KCNQ5: variants seen among roughly 807,000 people sequenced by gnomAD.
KCNQ5 encodes the protein potassium voltage-gated channel subfamily Q member 5.
KCNQ5 carries 30 observed loss-of-function variants against 98.2 expected under a neutral mutation model. The ratio of observed to expected loss-of-function variants is 0.31; its 90% confidence interval spans 0.23 to 0.41. The LOEUF (loss-of-function observed/expected upper bound fraction) is 0.41, where lower values mean the gene tolerates loss of function less well. Ranked by LOEUF, KCNQ5 falls within the 10% of genes least tolerant of loss-of-function variation. KCNQ5 has a pLI of 1.00. For synonymous variants in KCNQ5, 458 were observed against 449.4 expected, an observed-to-expected ratio of 1.02 and a Z score of -0.24; for missense variants, 835 against 1,182.5, an observed-to-expected ratio of 0.71 and a Z score of 4.31.
At chr6:72,786,594 G>A (rs1026363864) in intron 1 of KCNQ5, among the ~76,000 whole-genome samples, 36 of 152,118 alleles carry the variant, frequency 2.4e-4, no homozygotes, top group Non-Finnish European at 3.5e-4. Context: ...CCATTACCCA[G>A]AGTCTAGATC....
intron 1 of KCNQ5, among the ~76,000 whole-genome samples, chr6:72,896,896 G>A (rs1779271868): frequency 6.6e-6 from 1 of 152,124 alleles, no homozygotes; most frequent in Non-Finnish European, 1.5e-5. Flanking sequence ...CTCCTTTGGT[G>A]TTCTCTTACT....
chr6:73,131,126 C>T lies in KCNQ5; in HGVS notation c.1248-2295C>T, dbSNP rs190583222. On this transcript the variant is annotated intron_variant, in intron 9 of 13. Transcript: ENST00000370398. ...TTCATAAGGTAATGTCAAAATGGTTCATAGAGGCAATTTTTAAAAATATTT... is the reference window on the plus strand; with the variant it reads ...TTCATAAGGTAATGTCAAAATGGTTTATAGAGGCAATTTTTAAAAATATTT... Among the ~76,000 whole-genome samples, 69 of 152,116 alleles carry T rather than the reference C, an allele frequency of 4.5e-4. 1 individual carries two copies. The highest frequency in any genetic ancestry group is 3.5e-3 in the Middle Eastern group (1 of 286).
chr6:72,915,192 C>A (rs1780085273), intron 1 of KCNQ5, among the ~76,000 whole-genome samples: 1 of 151,954 alleles, frequency 6.6e-6, no homozygotes, highest in African/African-American at 2.4e-5. Flanking sequence ...AGTGAAAATG[C>A]AGATCTATTT....
chr6:72,822,982 G>A lies in KCNQ5; in HGVS notation c.399-180926G>A, dbSNP rs148821135. Among the ~76,000 whole-genome samples the A allele has an allele frequency of 3.2e-4, 48 of 151,908 alleles. No homozygotes were observed. The East Asian group carries it at 7.8e-3, about 25-fold the overall frequency. On this transcript the variant is annotated intron_variant, in intron 1 of 13. Coordinates refer to ENST00000370398, the MANE Select transcript of KCNQ5 (RefSeq NM_019842.4). ...TTGGACCCTCCTGCTTCCTTTTTAC[G>A]AGGATCATTGTGATCACATTGGGCC...
intron 1 of KCNQ5, among the ~76,000 whole-genome samples, chr6:72,790,896 TTTTG>T (rs1218974905): frequency 1.3e-5 from 2 of 152,312 alleles, no homozygotes; most frequent in East Asian, 3.9e-4. Context: ...AACAAAGGGT[TTTTG>T]TTTGTTTGTT....
At chr6:72,658,987 G>A (rs1444217271) in intron 1 of KCNQ5, among the ~76,000 whole-genome samples, 2 of 152,160 alleles carry the variant, frequency 1.3e-5, no homozygotes, top group Non-Finnish European at 2.9e-5. Flanking sequence ...TTAGAATCCA[G>A]ACATTTCCAA....
rs1484479861 is a variant in KCNQ5, at chr6:72,870,424, A to AT, written c.399-133477dup. On this transcript the variant is annotated intron_variant, in intron 1 of 13. Coordinates refer to ENST00000370398, the MANE Select transcript of KCNQ5 (RefSeq NM_019842.4). ...TTGAGTAGCTGAGGCTAATTTTTGT[A>AT]TTTTTTTGTAGACATGGGGTTTCGC... Among the ~76,000 whole-genome samples, 25 of 151,672 alleles carry AT rather than the reference A, an allele frequency of 1.6e-4. 1 individual carries two copies. Among genetic ancestry groups the AT allele is most frequent in the Admixed American group, 6.6e-4 (10 of 15,210 alleles).
chr6:72,700,332 T>TATCG (rs993248291), intron 1 of KCNQ5, among the ~76,000 whole-genome samples: 5 of 151,122 alleles, frequency 3.3e-5, no homozygotes, highest in African/African-American at 1.2e-4. Context: ...TCTATCTATC[T>TATCG]ATCTAATCTA....
intron 1 of KCNQ5, among the ~76,000 whole-genome samples, chr6:72,701,198 T>A (rs1356479596): frequency 6.6e-6 from 1 of 152,218 alleles, no homozygotes; most frequent in South Asian, 2.1e-4. Flanking sequence ...GGTAAAAGGA[T>A]GTTTAATTAA....
At chr6:72,981,929 G>C (rs1051011151) in intron 1 of KCNQ5, among the ~76,000 whole-genome samples, 3 of 152,164 alleles carry the variant, frequency 2.0e-5, no homozygotes, top group Admixed American at 2.0e-4. Flanking sequence ...AGTCGTTCAG[G>C]AGCAGGTTGT....
chr6:73,151,447 T>A (rs1469932628), intron 10 of KCNQ5, among the ~76,000 whole-genome samples: 1 of 152,226 alleles, frequency 6.6e-6, no homozygotes, highest in Non-Finnish European at 1.5e-5. Context: ...CCTTTCAATG[T>A]AAGTCACTAT....
At chr6:73,064,562 G>T (rs1772965451) in intron 3 of KCNQ5, among the ~76,000 whole-genome samples, 1 of 151,922 alleles carries the variant, frequency 6.6e-6, no homozygotes, top group South Asian at 2.1e-4. Context: ...CTGGTATGGG[G>T]TTCTGTTTAG....
chr6:73,049,141 A>G (rs552890509), intron 3 of KCNQ5, among the ~76,000 whole-genome samples: 3 of 152,316 alleles, frequency 2.0e-5, no homozygotes, highest in East Asian at 1.9e-4. Flanking sequence ...ATGTTCTACA[A>G]GTTTGTCTTT....
chr6:73,063,791 C>A (rs1293158862), intron 3 of KCNQ5, among the ~76,000 whole-genome samples: 1 of 151,146 alleles, frequency 6.6e-6, no homozygotes, highest in Non-Finnish European at 1.5e-5. Context: ...TGGCAACAAG[C>A]AAGATTTTCA....
chr6:72,794,080 A>G (rs1450044472), intron 1 of KCNQ5, among the ~76,000 whole-genome samples: 1 of 152,270 alleles, frequency 6.6e-6, no homozygotes, highest in African/African-American at 2.4e-5. Flanking sequence ...AAGTATTATC[A>G]TAAAATTCGA....
intron 2 of KCNQ5, among the ~76,000 whole-genome samples, chr6:73,016,045 T>C (rs149231525): frequency 6.6e-6 from 1 of 152,148 alleles, no homozygotes; most frequent in African/African-American, 2.4e-5. Context: ...CCAAAATCTC[T>C]GTTCTCATGG....
chr6:73,172,134 A>C (rs1228226362), intron 11 of KCNQ5, among the ~76,000 whole-genome samples: 2 of 152,088 alleles, frequency 1.3e-5, no homozygotes, highest in Admixed American at 1.3e-4. Context: ...TACTATTTAC[A>C]TGTCTATCTT....
rs375069511 is a variant in KCNQ5 at position 73,195,096 on chromosome 6, C to A, written c.2481C>A (p.Gly827=). 1.2e-6 allele frequency: 2 copies of A among 1,614,052 alleles called. No homozygotes were observed. Among genetic ancestry groups the A allele is most frequent in the East Asian group, 4.5e-5 (2 of 44,896 alleles). ...SVCPMVPKDL[G]KSLSVQNLIR... The stretch of plus-strand genomic sequence containing the variant: ...GTCCCATGGTGCCGAAGGACTTGGG[C>A]AAATCTTTGTCTGTGCAAAACCTGA... The change falls in exon 14 of 14, where the codon GGC becomes GGA. Residue 827 remains glycine, a synonymous_variant. Coordinates refer to ENST00000370398, the MANE Select transcript of KCNQ5 (RefSeq NM_019842.4).
chr6:72,809,104 A>G (rs1775103145), intron 1 of KCNQ5, among the ~76,000 whole-genome samples: 1 of 151,718 alleles, frequency 6.6e-6, no homozygotes, highest in Non-Finnish European at 1.5e-5. Flanking sequence ...GACATGGATG[A>G]AACTGGAAAC....
Sources: allele counts gnomAD v4.1 joint callset (sites outside exome capture counted in the v4.1 genomes callset), GRCh38; gene constraint gnomAD v4.1.1; transcripts MANE v1.5; gene names NCBI Gene and HGNC (gene_info 2026-07-23, HGNC 2026-07-21).